TNR: variants seen among roughly 807,000 people sequenced by gnomAD.
TNR encodes the protein tenascin R.
Under a neutral mutation model 150.4 loss-of-function variants are expected in TNR, and 45 were observed. The observed-to-expected ratio is 0.30, with a 90% CI of 0.24 to 0.38. The LOEUF is 0.38. TNR is among the 10% of genes least tolerant of loss of function. TNR has a pLI of 1.00. For synonymous variants in TNR, 687 were observed against 678.4 expected (o/e 1.01, Z -0.20); for missense variants, 1,544 against 1,759.1 (o/e 0.88, Z 2.19).
At chr1:175,704,558 C>A (rs961495319) in intron 1 of TNR, among the ~76,000 whole-genome samples, 1 of 152,172 alleles carries the variant, frequency 6.6e-6, no homozygotes, top group African/African-American at 2.4e-5. Context: ...AAGGTAATTC[C>A]CCCACCTCCT....
chr1:175,737,066 C>T (rs1294035659), intron 1 of TNR, among the ~76,000 whole-genome samples: 2 of 152,090 alleles, frequency 1.3e-5, no homozygotes, highest in Non-Finnish European at 2.9e-5. Context: ...ACAACAACAA[C>T]AACACAAAGT....
chr1:175,640,303 G>A (rs1351440215), intron 1 of TNR, among the ~76,000 whole-genome samples: 1 of 152,094 alleles, frequency 6.6e-6, no homozygotes, highest in Non-Finnish European at 1.5e-5. Flanking sequence ...GGCAAACATT[G>A]AGCACATCCT....
intron 9 of TNR, among the ~76,000 whole-genome samples, chr1:175,373,407 G>C (rs1001185630): frequency 6.6e-6 from 1 of 152,204 alleles, no homozygotes; most frequent in Non-Finnish European, 1.5e-5. Context: ...GTTAAATGGA[G>C]ATCTGAGCAG....
chr1:175,695,872 G>A (rs982601363), intron 1 of TNR, among the ~76,000 whole-genome samples: 1 of 152,106 alleles, frequency 6.6e-6, no homozygotes, highest in African/African-American at 2.4e-5. Context: ...GGCCAGACAT[G>A]GTGCTGTTTT....
chr1:175,673,037 C>G (rs1452233529), intron 1 of TNR, among the ~76,000 whole-genome samples: 2 of 152,116 alleles, frequency 1.3e-5, no homozygotes, highest in Non-Finnish European at 2.9e-5. Context: ...CCACACAGGG[C>G]CCTTACCAGT....
rs974688768 is a variant in TNR at position 175,426,329 on chromosome 1, C to T, written c.-63-19552G>A. 2.0e-5 allele frequency among the ~76,000 whole-genome samples: 3 copies of T among 152,118 alleles called. No individual in the cohort carries two copies. The East Asian group carries it at 5.8e-4, about 29-fold the overall frequency. ...TTCTTGCTCCTGGGATACTGGGGTG[C>T]TGCGTTTGCTCCCCTGCCTGAATCT... On this transcript the variant is annotated intron_variant, in intron 2 of 22. Coordinates refer to ENST00000367674, the MANE Select transcript of TNR (RefSeq NM_003285.3).
chr1:175,687,761 C>T (rs1273533814), intron 1 of TNR, among the ~76,000 whole-genome samples: 1 of 151,946 alleles, frequency 6.6e-6, no homozygotes, highest in African/African-American at 2.4e-5. Context: ...AGGCAGATGC[C>T]CTGTCAGGAT....
At chr1:175,353,117 C>T (rs1202484198) in intron 18 of TNR, among the ~76,000 whole-genome samples, 5 of 152,156 alleles carry the variant, frequency 3.3e-5, no homozygotes, top group African/African-American at 4.8e-5. Context: ...GGCTGGGCAG[C>T]CTTACATTAT....
chr1:175,354,240 T>A (rs765908673), intron 18 of TNR, 151 bp downstream of exon 18: 4 of 1,066,338 alleles, frequency 3.8e-6, no homozygotes, highest in Non-Finnish European at 5.3e-6. Flanking sequence ...GTGAGAGGTT[T>A]CCTGGTAGGG....
chr1:175,363,309 C>A (rs1651683614), intron 13 of TNR, among the ~76,000 whole-genome samples: 1 of 152,238 alleles, frequency 6.6e-6, no homozygotes, highest in South Asian at 2.1e-4. Context: ...CATCACTGTG[C>A]TTCCCTCCAA....
intron 19 of TNR, among the ~76,000 whole-genome samples, chr1:175,337,257 C>T (rs1212692430): frequency 6.6e-6 from 1 of 152,190 alleles, no homozygotes; most frequent in Non-Finnish European, 1.5e-5. Context: ...AACAGACCCG[C>T]GACTGCCTTT....
At chr1:175,448,471 A>G (rs1279739644) in intron 2 of TNR, among the ~76,000 whole-genome samples, 1 of 151,958 alleles carries the variant, frequency 6.6e-6, no homozygotes, top group Non-Finnish European at 1.5e-5. Flanking sequence ...CAGCCTCCCA[A>G]AGTGCTGGGA....
intron 2 of TNR, among the ~76,000 whole-genome samples, chr1:175,513,680 G>T: frequency 6.6e-6 from 1 of 152,116 alleles, no homozygotes; most frequent in East Asian, 1.9e-4. Context: ...ATTTCTATTT[G>T]TTCAGAGCTC....
At position 175,511,397 on chromosome 1, in the gene TNR, T is replaced by G. The variant is rs551173354; in HGVS notation, c.-64+16872A>C. ...TTGGAAAATGTAGGAAAATACACTTTTAGAATAAAATACTGTCATGATAAA... is the reference window on the plus strand; with the variant it reads ...TTGGAAAATGTAGGAAAATACACTTGTAGAATAAAATACTGTCATGATAAA... On this transcript the variant is annotated intron_variant, in intron 2 of 22. Coordinates refer to ENST00000367674, the MANE Select transcript of TNR (RefSeq NM_003285.3). 7.9e-5 allele frequency among the ~76,000 whole-genome samples: 12 copies of G among 152,362 alleles called. No individual in the cohort carries two copies. In the South Asian group the frequency reaches 2.3e-3, roughly 29 times the overall value.
intron 1 of TNR, among the ~76,000 whole-genome samples, chr1:175,651,256 C>T (rs1429526729): frequency 6.6e-6 from 1 of 150,876 alleles, no homozygotes; most frequent in African/African-American, 2.4e-5. Flanking sequence ...CTCACAGAGA[C>T]AAGGTCTAGG....
chr1:175,437,807 A>G (rs563711578), intron 2 of TNR, among the ~76,000 whole-genome samples: 1 of 152,256 alleles, frequency 6.6e-6, no homozygotes, highest in South Asian at 2.1e-4. Context: ...CGACACATAC[A>G]CCCTCCCAAG....
rs80096758 is a variant in TNR, at chr1:175,559,812, G to A, written c.-164-31443C>T. Among the ~76,000 whole-genome samples, 681 of 152,278 alleles carry A rather than the reference G, an allele frequency of 4.5e-3. 6 individuals carry two copies. The highest frequency in any genetic ancestry group is 0.039 in the East Asian group (204 of 5,186). On this transcript the variant is annotated intron_variant, in intron 1 of 22. Transcript: ENST00000367674. The stretch of plus-strand genomic sequence containing the variant: ...TTTATATGTGACTTCTTATACACAA[G>A]TGCAAGAATTTTTTAGGTTATATAT...
chr1:175,596,265 G>A (rs1344690318), intron 1 of TNR, among the ~76,000 whole-genome samples: 2 of 152,154 alleles, frequency 1.3e-5, no homozygotes, highest in Admixed American at 6.5e-5. Flanking sequence ...GTTTCTGCAC[G>A]GTAAGAAGGA....
chr1:175,647,907 C>A (rs1213956772), intron 1 of TNR, among the ~76,000 whole-genome samples: 2 of 152,170 alleles, frequency 1.3e-5, no homozygotes, highest in African/African-American at 4.8e-5. Context: ...TCAATCCTCA[C>A]AGACTCCCTT....
Sources: allele counts gnomAD v4.1 joint callset (sites outside exome capture counted in the v4.1 genomes callset), GRCh38; gene constraint gnomAD v4.1.1; transcripts MANE v1.5; gene names NCBI Gene and HGNC (gene_info 2026-07-23, HGNC 2026-07-21).